NFATC3: variants seen among roughly 807,000 people sequenced by gnomAD.
NFATC3 encodes the protein nuclear factor of activated T-cells, cytoplasmic 3.
NFATC3 carries 46 observed loss-of-function variants against 98.6 expected under a neutral mutation model. The observed-to-expected ratio is 0.47, with a 90% CI of 0.37 to 0.60. The LOEUF (loss-of-function observed/expected upper bound fraction) is 0.60, where lower values mean the gene tolerates loss of function less well. Among genes scored for constraint, NFATC3 ranks in the 20% least tolerant of loss-of-function variants. The pLI is 0.00. For synonymous variants in NFATC3, 512 were observed against 472.2 expected (o/e 1.08, Z -1.09); for missense variants, 1,256 against 1,295.5 (o/e 0.97, Z 0.47).
chr16:68,221,991 T>C (rs1312809592), intron 9 of NFATC3, among the ~76,000 whole-genome samples: 1 of 151,978 alleles, frequency 6.6e-6, no homozygotes, highest in East Asian at 1.9e-4. Context: ...TTATAAGATA[T>C]AGAAGAACAA....
chr16:68,221,300 C>T, intron 9 of NFATC3: 10 of 1,613,344 alleles, frequency 6.2e-6, no homozygotes, highest in Non-Finnish European at 8.5e-6. Flanking sequence ...AGCCTGAACC[C>T]AGAGCCCCCA....
chr16:68,192,211 A>AC (rs2040441523), intron 9 of NFATC3: 1 of 9,116 alleles, frequency 1.1e-4, no homozygotes, highest in Non-Finnish European at 2.3e-4. Flanking sequence ...CCGTCTCGGG[A>AC]AAAAAAAAAA....
At chr16:68,214,189 C>T (rs1435075567) in intron 9 of NFATC3, 1 of 572,698 alleles carries the variant, frequency 1.7e-6, no homozygotes, top group East Asian at 2.9e-5. Flanking sequence ...TGTGGAGAGC[C>T]ATTTTATGCA....
At chr16:68,141,202 C>T (rs1471501377) in intron 3 of NFATC3, among the ~76,000 whole-genome samples, 1 of 151,928 alleles carries the variant, frequency 6.6e-6, no homozygotes, top group Non-Finnish European at 1.5e-5. Flanking sequence ...TTCATCTACT[C>T]ATGGCTGATG....
chr16:68,138,014 A>G (rs535559388), intron 3 of NFATC3, among the ~76,000 whole-genome samples: 2 of 151,494 alleles, frequency 1.3e-5, no homozygotes, highest in South Asian at 4.2e-4. Flanking sequence ...AAAGTCAGAT[A>G]CTCTTTCTCT....
intron 1 of NFATC3, among the ~76,000 whole-genome samples, chr16:68,100,887 C>CTCTG (rs2035306111): frequency 6.8e-6 from 1 of 146,280 alleles, no homozygotes; most frequent in East Asian, 2.0e-4. Flanking sequence ...TTTGAGAGTT[C>CTCTG]TGTGTGTGTG....
At chr16:68,217,711 G>A in intron 9 of NFATC3, 2 of 1,231,538 alleles carry the variant, frequency 1.6e-6, no homozygotes, top group South Asian at 4.1e-5. Context: ...TTCTCCTTAG[G>A]TTTTGTCAAA....
At chr16:68,137,375 T>C (rs1403545558) in intron 3 of NFATC3, among the ~76,000 whole-genome samples, 1 of 152,092 alleles carries the variant, frequency 6.6e-6, no homozygotes, top group East Asian at 1.9e-4. Flanking sequence ...CACTAGGCAA[T>C]AGGACTTTTT....
intron 4 of NFATC3, among the ~76,000 whole-genome samples, chr16:68,158,651 C>A (rs1242636552): frequency 6.6e-6 from 1 of 152,056 alleles, no homozygotes; most frequent in Non-Finnish European, 1.5e-5. Flanking sequence ...GTCATTAGGG[C>A]CCCAAGCAAG....
intron 3 of NFATC3, among the ~76,000 whole-genome samples, chr16:68,150,243 T>C (rs1485811544): frequency 6.6e-6 from 1 of 152,034 alleles, no homozygotes; most frequent in African/African-American, 2.4e-5. Flanking sequence ...CACATCCATT[T>C]TGTAATGCTA....
Position 68,226,634 on chromosome 16 carries a change from G to T in NFATC3, c.*163G>T. ...TCCACCTCAGGCCTTGGGTAGATTT[G>T]GCAAAAGAACAGGAGCAGCATAGGC... On this transcript the variant is annotated 3_prime_UTR_variant, in exon 10 of 10. Coordinates refer to ENST00000346183, the MANE Select transcript of NFATC3 (RefSeq NM_173165.3). The T allele has an allele frequency of 1.3e-6, 1 of 769,388 alleles. No homozygotes were observed. Among genetic ancestry groups the T allele is most frequent in the Non-Finnish European group, 1.9e-6 (1 of 525,048 alleles). The allele number at this position is 769,388 out of a possible 1,614,324, so 47.7% of individuals were successfully genotyped here.
rs1467907424 is a variant in NFATC3 at position 68,166,755 on chromosome 16, C to A, written c.1602-88C>A. 9 of 1,083,608 alleles carry A rather than the reference C, an allele frequency of 8.3e-6. No individual in the cohort carries two copies. The South Asian group carries it at 1.7e-4, about 20-fold the overall frequency. The allele number at this position is 1,083,608 out of a possible 1,614,324, so 67.1% of individuals were successfully genotyped here. ...TGACCTAATTTTGGGTAGTTTTTTT[C>A]TGACAAATTAACAATTTCTATGTAG... On this transcript the variant is annotated intron_variant, in intron 4 of 9. Coordinates refer to ENST00000346183, the MANE Select transcript of NFATC3 (RefSeq NM_173165.3).
intron 1 of NFATC3, among the ~76,000 whole-genome samples, chr16:68,087,862 T>C (rs1181919230): frequency 6.6e-6 from 1 of 152,152 alleles, no homozygotes; most frequent in Non-Finnish European, 1.5e-5. Context: ...TATTCCATCG[T>C]GTGTGTGTAT....
At chr16:68,163,163 C>T (rs1001262016) in intron 4 of NFATC3, among the ~76,000 whole-genome samples, 4 of 152,118 alleles carry the variant, frequency 2.6e-5, no homozygotes, top group Admixed American at 6.5e-5. Flanking sequence ...GGCAACCATC[C>T]GATTTCTCAA....
At chr16:68,166,820 A>G in intron 4 of NFATC3, 23 bp from the exon 5 acceptor site, 1 of 1,569,200 alleles carries the variant, frequency 6.4e-7, no homozygotes, top group South Asian at 1.1e-5. Context: ...AAACAAATTA[A>G]ATTTTTGTAT....
At chr16:68,221,546 A>C in intron 9 of NFATC3, 1 of 1,211,040 alleles carries the variant, frequency 8.3e-7, no homozygotes, top group South Asian at 2.6e-5. Flanking sequence ...TTAGTACTCA[A>C]TATATGTAAG....
At chr16:68,144,715 A>G (rs755645774) in intron 3 of NFATC3, among the ~76,000 whole-genome samples, 6 of 151,834 alleles carry the variant, frequency 4.0e-5, no homozygotes, top group Admixed American at 6.6e-5. Context: ...TGGAGTGCAG[A>G]GACTCCATCT....
chr16:68,175,277 G>A (rs926209414), intron 6 of NFATC3, among the ~76,000 whole-genome samples: 1 of 152,212 alleles, frequency 6.6e-6, no homozygotes, highest in Non-Finnish European at 1.5e-5. Flanking sequence ...GTTGTCAGTA[G>A]TGAGTGACTG....
intron 4 of NFATC3, among the ~76,000 whole-genome samples, chr16:68,159,565 G>A (rs1005686255): frequency 3.3e-5 from 5 of 151,812 alleles, no homozygotes; most frequent in African/African-American, 9.7e-5. Context: ...TGGGACTAGA[G>A]GCACCTGCCA....
Sources: allele counts gnomAD v4.1 joint callset (sites outside exome capture counted in the v4.1 genomes callset), GRCh38; gene constraint gnomAD v4.1.1; transcripts MANE v1.5; gene names NCBI Gene and HGNC (gene_info 2026-07-23, HGNC 2026-07-21).